PAMR1: variants seen among roughly 807,000 people sequenced by gnomAD.
PAMR1 encodes peptidase domain containing associated with muscle regeneration 1.
A neutral mutation model predicts 81.8 loss-of-function variants in PAMR1; 88 were observed. The ratio of observed to expected loss-of-function variants is 1.08; its 90% CI spans 0.91 to 1.28. The LOEUF is 1.28. Among genes scored for constraint, PAMR1 ranks in the 50% most tolerant of loss-of-function variants. PAMR1 has a pLI of 0.00. For synonymous variants in PAMR1, 336 were observed against 345.3 expected, an observed-to-expected ratio of 0.97 and a Z score of 0.30; for missense variants, 935 against 919.7, an observed-to-expected ratio of 1.02 and a Z score of -0.21.
chr11:35,445,437 T>C (rs558739819), intron 6 of PAMR1, among the ~76,000 whole-genome samples: 1 of 152,366 alleles, frequency 6.6e-6, no homozygotes, highest in East Asian at 1.9e-4. Context: ...ATGGGAATGC[T>C]TCCAGCTTTT....
At chr11:35,444,358 G>T (rs1856248250) in intron 6 of PAMR1, among the ~76,000 whole-genome samples, 1 of 152,192 alleles carries the variant, frequency 6.6e-6, no homozygotes, top group Non-Finnish European at 1.5e-5. Flanking sequence ...ATTAGATCCA[G>T]TTCGTCAATT....
At chr11:35,486,858 G>A (rs938986779) in intron 3 of PAMR1, among the ~76,000 whole-genome samples, 1 of 152,078 alleles carries the variant, frequency 6.6e-6, no homozygotes, top group Non-Finnish European at 1.5e-5. Context: ...CACATGGAGC[G>A]ACTGAAGTAT....
Position 35,441,590 on chromosome 11 carries a change from G to A in PAMR1, c.924C>T (p.Gly308=). 3 of 1,613,862 alleles carry A rather than the reference G, an allele frequency of 1.9e-6. No homozygotes were observed. The East Asian group carries it at 6.7e-5, about 36-fold the overall frequency. The part of the protein sequence containing the change: ...GLINGRHAKI[G]TVVSFFCNNS... Reference sequence around the variant, plus strand: ...TGTTACAAAAGAAAGACACCACGGTGCCAATTTTAGCATGGCGTCCGTTGA... The same window carrying A: ...TGTTACAAAAGAAAGACACCACGGTACCAATTTTAGCATGGCGTCCGTTGA... Residue 308 remains glycine (G), a synonymous_variant, in exon 7 of 11, where the codon GGC becomes GGT. Coordinates refer to ENST00000619888, the MANE Select transcript of PAMR1 (RefSeq NM_001001991.3).
At chr11:35,462,058 C>T (rs944409635) in intron 6 of PAMR1, among the ~76,000 whole-genome samples, 9 of 149,576 alleles carry the variant, frequency 6.0e-5, no homozygotes, top group Non-Finnish European at 1.2e-4. Context: ...TTTTCTTCTC[C>T]CTGTCCGTTT....
At chr11:35,465,572 C>T (rs747676031) in intron 6 of PAMR1, among the ~76,000 whole-genome samples, 3 of 152,118 alleles carry the variant, frequency 2.0e-5, no homozygotes, top group Non-Finnish European at 4.4e-5. Context: ...GTGACGTGTC[C>T]CCCAGTGAGT....
intron 2 of PAMR1, among the ~76,000 whole-genome samples, chr11:35,493,673 C>A (rs193284411): frequency 1.2e-4 from 18 of 152,284 alleles, no homozygotes; most frequent in Middle Eastern, 3.4e-3. Context: ...CTCCCACCTG[C>A]CCCCATTCCC....
intron 1 of PAMR1, among the ~76,000 whole-genome samples, chr11:35,524,866 AGAGC>A (rs1374112647): frequency 6.6e-6 from 1 of 152,210 alleles, no homozygotes; most frequent in African/African-American, 2.4e-5. Context: ...CAAAGAAGCC[AGAGC>A]TCTTTCAAAA....
intron 1 of PAMR1, among the ~76,000 whole-genome samples, chr11:35,510,968 G>A (rs1050665376): frequency 6.6e-6 from 1 of 152,222 alleles, no homozygotes; most frequent in African/African-American, 2.4e-5. Context: ...AGTTATATTA[G>A]TCCAGCCCTG....
chr11:35,441,514 C>A lies in PAMR1; in HGVS notation c.1000G>T (p.Glu334Ter). The change falls in exon 7 of 11, where the codon GAG becomes TAG. Residue 334 changes from glutamate to a stop codon, truncating the protein, a stop_gained. Transcript: ENST00000619888. LOFTEE classifies it high-confidence loss of function. ...NEKRTCQQNGEWSGKQPICIK... is the reference protein window; with the variant it reads ...NEKRTCQQNG ...CAGATGGGCTGTTTCCCTGACCACT[C>A]TCCATTCTGCTGGCAAGTTCTTTTC... The A allele has an allele frequency of 6.2e-7, 1 of 1,613,352 alleles. No homozygotes were observed. The highest frequency in any genetic ancestry group is 8.5e-7 in the Non-Finnish European group (1 of 1,179,854).
intron 6 of PAMR1, among the ~76,000 whole-genome samples, chr11:35,452,467 T>A (rs2135356551): frequency 1.3e-5 from 2 of 152,196 alleles, no homozygotes; most frequent in African/African-American, 4.8e-5. Context: ...ATAGCTAAAA[T>A]TTTTCCCATA....
chr11:35,478,792 A>T (rs1439946183), intron 3 of PAMR1, among the ~76,000 whole-genome samples: 1 of 152,148 alleles, frequency 6.6e-6, no homozygotes, highest in African/African-American at 2.4e-5. Flanking sequence ...CAGATTCCTT[A>T]ACAATGTCTT....
At chr11:35,436,334 G>C (rs1856043663) in intron 8 of PAMR1, 199 bp from the exon 9 acceptor site, 1 of 550,402 alleles carries the variant, frequency 1.8e-6, no homozygotes, top group Admixed American at 3.1e-5. Context: ...CTCCAGGATG[G>C]AGTGTAGTGA....
At chr11:35,514,699 T>C (rs1851131402) in intron 1 of PAMR1, among the ~76,000 whole-genome samples, 1 of 152,178 alleles carries the variant, frequency 6.6e-6, no homozygotes, top group Non-Finnish European at 1.5e-5. Context: ...TCTAAAAATA[T>C]TTGGCGGCCA....
chr11:35,455,042 C>T (rs963353546), intron 6 of PAMR1, among the ~76,000 whole-genome samples: 2 of 152,208 alleles, frequency 1.3e-5, no homozygotes. Context: ...ATGACAGCGA[C>T]TGCCTTTTTC....
intron 3 of PAMR1, among the ~76,000 whole-genome samples, chr11:35,489,809 C>T (rs916970360): frequency 6.6e-6 from 1 of 152,232 alleles, no homozygotes; most frequent in African/African-American, 2.4e-5. Context: ...CTCCCTCTCC[C>T]TGTCATTAAC....
intron 1 of PAMR1, among the ~76,000 whole-genome samples, chr11:35,506,179 C>G (rs992897528): frequency 2.0e-5 from 3 of 151,110 alleles, no homozygotes; most frequent in Non-Finnish European, 3.0e-5. Context: ...AATTCCATCC[C>G]TCCCACATTT....
chr11:35,444,357 A>G (rs1471205979), intron 6 of PAMR1, among the ~76,000 whole-genome samples: 1 of 152,114 alleles, frequency 6.6e-6, no homozygotes, highest in Non-Finnish European at 1.5e-5. Flanking sequence ...AATTAGATCC[A>G]GTTCGTCAAT....
intron 3 of PAMR1, among the ~76,000 whole-genome samples, chr11:35,479,029 T>A (rs2135386817): frequency 6.6e-6 from 1 of 152,248 alleles, no homozygotes; most frequent in Non-Finnish European, 1.5e-5. Context: ...TCTAGACCAG[T>A]AAGACAGCTG....
intron 6 of PAMR1, among the ~76,000 whole-genome samples, chr11:35,455,938 A>C (rs1590332980): frequency 6.6e-6 from 1 of 151,544 alleles, no homozygotes; most frequent in East Asian, 1.9e-4. Context: ...CTTTCCTTCC[A>C]CTTACTTATT....
Sources: gnomAD v4.1 joint callset for allele counts (sites outside exome capture counted in the v4.1 genomes callset) on GRCh38, gnomAD v4.1.1 for gene constraint, MANE v1.5 for transcripts, NCBI Gene and HGNC (gene_info 2026-07-23, HGNC 2026-07-21) for gene names.